The following GRIA1 variants were observed in gnomAD, a reference collection of about 807,000 sequenced individuals.
GRIA1 encodes glutamate receptor 1.
In GRIA1, 31 loss-of-function variants were observed where a neutral mutation model predicts 99.2. The ratio of observed to expected loss-of-function variants is 0.31; its 90% CI spans 0.23 to 0.42. The LOEUF is 0.42. Ranked by LOEUF, GRIA1 falls within the 10% of genes least tolerant of loss-of-function variation. The probability of loss-of-function intolerance (pLI) is 1.00; values close to 1 mark genes in which losing one functional copy is unlikely to be tolerated. For synonymous variants in GRIA1, 438 were observed against 432.4 expected (o/e 1.01, Z -0.16); for missense variants, 782 against 1,157.5 (o/e 0.68, Z 4.71).
chr5:153,628,051 A>T (rs2149431815), intron 2 of GRIA1, among the ~76,000 whole-genome samples: 1 of 152,312 alleles, frequency 6.6e-6, no homozygotes, highest in South Asian at 2.1e-4. Flanking sequence ...AGCTTGCTTT[A>T]GGTGTAGTGT....
At chr5:153,713,703 G>C (rs1337880075) in intron 11 of GRIA1, among the ~76,000 whole-genome samples, 2 of 152,192 alleles carry the variant, frequency 1.3e-5, no homozygotes, top group Non-Finnish European at 2.9e-5. Context: ...AAGCATAATT[G>C]CTGTCTCTAG....
chr5:153,661,990 A>G (rs935372659), intron 5 of GRIA1, among the ~76,000 whole-genome samples: 2 of 152,162 alleles, frequency 1.3e-5, no homozygotes, highest in East Asian at 1.9e-4. Context: ...AAGGGCTCAG[A>G]CAGTTTCTGC....
intron 2 of GRIA1, among the ~76,000 whole-genome samples, chr5:153,584,251 A>G (rs1763282768): frequency 6.6e-6 from 1 of 152,210 alleles, no homozygotes; most frequent in Admixed American, 6.5e-5. Flanking sequence ...TTCCTTCCTC[A>G]TCCATCACTT....
intron 11 of GRIA1, among the ~76,000 whole-genome samples, chr5:153,726,902 C>T (rs1760580439): frequency 6.6e-6 from 1 of 152,178 alleles, no homozygotes; most frequent in Non-Finnish European, 1.5e-5. Context: ...AAGCATCATC[C>T]TGATATCAAA....
chr5:153,504,369 A>C (rs1298061965), intron 2 of GRIA1, among the ~76,000 whole-genome samples: 1 of 151,748 alleles, frequency 6.6e-6, no homozygotes, highest in Non-Finnish European at 1.5e-5. Flanking sequence ...TACACTATCT[A>C]TATATAGATG....
intron 2 of GRIA1, among the ~76,000 whole-genome samples, chr5:153,549,096 C>T (rs1248816885): frequency 6.6e-6 from 1 of 152,150 alleles, no homozygotes. Context: ...CTCTGATGAA[C>T]TTAAAGAGTT....
At chr5:153,503,832 AG>A (rs1194206042) in intron 2 of GRIA1, among the ~76,000 whole-genome samples, 1 of 152,220 alleles carries the variant, frequency 6.6e-6, no homozygotes, top group African/African-American at 2.4e-5. Flanking sequence ...CTAACTGGAT[AG>A]TTTTAACTTC....
At chr5:153,666,265 G>T (rs1755736839) in intron 5 of GRIA1, among the ~76,000 whole-genome samples, 1 of 152,124 alleles carries the variant, frequency 6.6e-6, no homozygotes, top group Non-Finnish European at 1.5e-5. Flanking sequence ...GGACGCTGTG[G>T]GGGCCAACGT....
chr5:153,783,499 T>G (rs1436776846), intron 13 of GRIA1, among the ~76,000 whole-genome samples: 2 of 152,214 alleles, frequency 1.3e-5, no homozygotes, highest in African/African-American at 4.8e-5. Flanking sequence ...TTAGAAATGC[T>G]TGCTGTCTCT....
intron 2 of GRIA1, among the ~76,000 whole-genome samples, chr5:153,585,369 C>T (rs1763390824): frequency 7.4e-6 from 1 of 135,894 alleles, no homozygotes; most frequent in South Asian, 2.3e-4. Flanking sequence ...AGTACACTGT[C>T]GCGATCTCAG....
chr5:153,740,234 C>G (rs751680895), intron 11 of GRIA1, among the ~76,000 whole-genome samples: 27 of 152,234 alleles, frequency 1.8e-4, no homozygotes, highest in Non-Finnish European at 3.7e-4. Context: ...TACCCTCCAG[C>G]TGCTTACAAT....
chr5:153,758,857 A>C (rs1434839188), intron 11 of GRIA1, among the ~76,000 whole-genome samples: 1 of 152,024 alleles, frequency 6.6e-6, no homozygotes, highest in Non-Finnish European at 1.5e-5. Context: ...AACAAGTATT[A>C]ACAAATTTTT....
intron 6 of GRIA1, 144 bp from the exon 7 acceptor site, chr5:153,676,850 C>A: frequency 2.0e-6 from 1 of 498,236 alleles, no homozygotes; most frequent in Non-Finnish European, 3.3e-6. Flanking sequence ...CCCTGATTCA[C>A]CACTGTCTGC....
chr5:153,723,650 C>A (rs1418249081), intron 11 of GRIA1, among the ~76,000 whole-genome samples: 1 of 152,162 alleles, frequency 6.6e-6, no homozygotes, highest in African/African-American at 2.4e-5. Context: ...GCTAGCACAG[C>A]AGTCTGAGAT....
chr5:153,532,223 T>C (rs896626740), intron 2 of GRIA1, among the ~76,000 whole-genome samples: 6 of 152,212 alleles, frequency 3.9e-5, no homozygotes, highest in African/African-American at 1.4e-4. Flanking sequence ...AGTATCTTGT[T>C]CCTGTGAGCA....
At chr5:153,795,460 T>C in intron 14 of GRIA1, 1 of 1,342,110 alleles carries the variant, frequency 7.5e-7, no homozygotes, top group Non-Finnish European at 1.1e-6. Flanking sequence ...TTATGTTATT[T>C]CCCCCCTGGT....
At chr5:153,794,507 A>T in intron 13 of GRIA1, 114 bp from the exon 14 acceptor site, 1 of 738,270 alleles carries the variant, frequency 1.4e-6, no homozygotes, top group Non-Finnish European at 2.4e-6. Context: ...CTCAGGTCAA[A>T]GGGCAACCTG....
At chr5:153,802,891 T>C (rs115354992) in intron 15 of GRIA1, among the ~76,000 whole-genome samples, 8,460 of 152,250 alleles carry the variant, frequency 0.056, 269 homozygotes, top group Middle Eastern at 0.13. Flanking sequence ...GACCTTGTCA[T>C]ACCTGGTGAA....
At chr5:153,538,359 T>A (rs1399276275) in intron 2 of GRIA1, among the ~76,000 whole-genome samples, 5 of 152,188 alleles carry the variant, frequency 3.3e-5, no homozygotes, top group African/African-American at 7.2e-5. Context: ...GATATATTGT[T>A]AAGTCTATGA....
Sources: allele counts gnomAD v4.1 joint callset (sites outside exome capture counted in the v4.1 genomes callset), GRCh38; gene constraint gnomAD v4.1.1; transcripts MANE v1.5; gene names NCBI Gene and HGNC (gene_info 2026-07-23, HGNC 2026-07-21).